Variants in PTPRO observed in about 807,000 individuals in gnomAD.
The protein encoded by PTPRO is receptor-type tyrosine-protein phosphatase O.
A neutral mutation model predicts 145.2 loss-of-function variants in PTPRO; 62 were observed. That is an observed-to-expected ratio of 0.43 (90% confidence interval 0.35 to 0.53). PTPRO has a LOEUF of 0.53. Among genes scored for constraint, PTPRO ranks in the 20% least tolerant of loss-of-function variants. The probability of loss-of-function intolerance (pLI) is 0.01; values close to 1 mark genes in which losing one functional copy is unlikely to be tolerated. For missense variants in PTPRO, 1,345 were observed against 1,482.7 expected, an observed-to-expected ratio of 0.91 and a Z score of 1.53; for synonymous variants, 565 against 514.7, an observed-to-expected ratio of 1.10 and a Z score of -1.32.
chr12:15,502,308 A>T (rs1011169903), intron 5 of PTPRO, among the ~76,000 whole-genome samples: 5 of 152,196 alleles, frequency 3.3e-5, no homozygotes, highest in African/African-American at 1.2e-4. Flanking sequence ...CCAACTGTAT[A>T]CATTTGACTG....
At chr12:15,592,264 C>T (rs1944569599) in intron 25 of PTPRO, among the ~76,000 whole-genome samples, 1 of 152,100 alleles carries the variant, frequency 6.6e-6, no homozygotes, top group Non-Finnish European at 1.5e-5. Flanking sequence ...AAGGAAAGAA[C>T]AAAGTAAAAA....
At chr12:15,339,461 A>G (rs1228374492) in intron 1 of PTPRO, among the ~76,000 whole-genome samples, 1 of 152,206 alleles carries the variant, frequency 6.6e-6, no homozygotes, top group African/African-American at 2.4e-5. Context: ...TGTGCAGGAA[A>G]AAAATTATCA....
intron 1 of PTPRO, among the ~76,000 whole-genome samples, chr12:15,398,434 C>T (rs1162128275): frequency 6.8e-6 from 1 of 147,948 alleles, no homozygotes; most frequent in Non-Finnish European, 1.5e-5. Context: ...AGACGTGTTC[C>T]AATTCCAGGG....
chr12:15,430,184 A>G (rs1940394710), intron 1 of PTPRO, among the ~76,000 whole-genome samples: 1 of 151,786 alleles, frequency 6.6e-6, no homozygotes, highest in Non-Finnish European at 1.5e-5. Flanking sequence ...TAACTAAATC[A>G]CAGTTTCAGA....
intron 1 of PTPRO, among the ~76,000 whole-genome samples, chr12:15,343,931 G>T (rs1053150719): frequency 6.6e-6 from 1 of 152,108 alleles, no homozygotes; most frequent in Non-Finnish European, 1.5e-5. Flanking sequence ...TGATCCGCCC[G>T]CCTCGGCCTC....
intron 2 of PTPRO, among the ~76,000 whole-genome samples, chr12:15,487,601 G>A (rs1443360021): frequency 1.3e-5 from 2 of 151,794 alleles, no homozygotes; most frequent in Non-Finnish European, 2.9e-5. Context: ...CCCCCAGAGG[G>A]AGGCTCTCTC....
At chr12:15,369,486 T>G (rs1342152831) in intron 1 of PTPRO, among the ~76,000 whole-genome samples, 1 of 152,202 alleles carries the variant, frequency 6.6e-6, no homozygotes, top group Non-Finnish European at 1.5e-5. Context: ...CAATTTTACT[T>G]TCTTTGTAAG....
intron 1 of PTPRO, among the ~76,000 whole-genome samples, chr12:15,382,913 A>G (rs1231060864): frequency 1.3e-5 from 2 of 152,240 alleles, no homozygotes; most frequent in African/African-American, 4.8e-5. Flanking sequence ...GAATAGTCAA[A>G]TCAGGCTATT....
intron 2 of PTPRO, among the ~76,000 whole-genome samples, chr12:15,490,194 A>G (rs1941971423): frequency 6.6e-6 from 1 of 152,226 alleles, no homozygotes; most frequent in African/African-American, 2.4e-5. Flanking sequence ...ATTATCAAGC[A>G]AGTATTTGGG....
intron 1 of PTPRO, among the ~76,000 whole-genome samples, chr12:15,390,790 C>A (rs1939168967): frequency 6.6e-6 from 1 of 152,096 alleles, no homozygotes; most frequent in Non-Finnish European, 1.5e-5. Context: ...AAGAAATGGC[C>A]AATATACCCT....
chr12:15,587,908 T>C (rs1343920824), intron 24 of PTPRO, among the ~76,000 whole-genome samples: 2 of 152,190 alleles, frequency 1.3e-5, no homozygotes, highest in Non-Finnish European at 1.5e-5. Flanking sequence ...CCCTTGTGAA[T>C]TAGAATGACT....
At chr12:15,562,778 C>A (rs886944471) in intron 17 of PTPRO, among the ~76,000 whole-genome samples, 2 of 148,884 alleles carry the variant, frequency 1.3e-5, no homozygotes, top group African/African-American at 5.0e-5. Flanking sequence ...GACCCTCATG[C>A]TGTACTCAGG....
At chr12:15,535,326 A>T (rs1943045655) in intron 12 of PTPRO, among the ~76,000 whole-genome samples, 1 of 152,164 alleles carries the variant, frequency 6.6e-6, no homozygotes, top group Non-Finnish European at 1.5e-5. Flanking sequence ...GAAGCCCTGG[A>T]TCAACTCTAG....
chr12:15,340,179 G>A (rs1866926573), intron 1 of PTPRO, among the ~76,000 whole-genome samples: 1 of 152,088 alleles, frequency 6.6e-6, no homozygotes, highest in African/African-American at 2.4e-5. Context: ...TCAGTAATGG[G>A]CAAACTGAGT....
chr12:15,472,041 A>G (rs1032080437), intron 1 of PTPRO, among the ~76,000 whole-genome samples: 2 of 152,256 alleles, frequency 1.3e-5, no homozygotes, highest in Non-Finnish European at 2.9e-5. Flanking sequence ...CATAAGTGCT[A>G]TGTAAGCACC....
chr12:15,461,872 A>G (rs962733614), intron 1 of PTPRO, among the ~76,000 whole-genome samples: 25 of 151,906 alleles, frequency 1.6e-4, no homozygotes, highest in Admixed American at 1.6e-3. Context: ...GGCCTGCTAC[A>G]GCATTTTAAC....
intron 1 of PTPRO, among the ~76,000 whole-genome samples, chr12:15,414,971 G>A (rs565431159): frequency 4.6e-5 from 7 of 152,224 alleles, no homozygotes; most frequent in Non-Finnish European, 8.8e-5. Flanking sequence ...GAACAATACC[G>A]TCTATGAACC....
At chr12:15,406,944 C>T (rs556345470) in intron 1 of PTPRO, among the ~76,000 whole-genome samples, 7 of 152,134 alleles carry the variant, frequency 4.6e-5, no homozygotes, top group Non-Finnish European at 7.4e-5. Context: ...ATAGACTTAG[C>T]GATTAAATAG....
intron 16 of PTPRO, 43 bp downstream of exon 16, chr12:15,557,566 G>T (rs374916313): frequency 3.3e-5 from 51 of 1,564,154 alleles, no homozygotes; most frequent in Non-Finnish European, 4.5e-5. Flanking sequence ...GTTTAACTAT[G>T]CTGTGTGTGC....
Sources: allele counts gnomAD v4.1 joint callset (sites outside exome capture counted in the v4.1 genomes callset), GRCh38; gene constraint gnomAD v4.1.1; transcripts MANE v1.5; gene names NCBI Gene and HGNC (gene_info 2026-07-23, HGNC 2026-07-21).